The following DPP6 variants were observed in gnomAD, a reference collection of about 807,000 sequenced individuals.
The protein encoded by DPP6 is dipeptidyl peptidase like 6.
In DPP6, 69 loss-of-function variants were observed where a neutral mutation model predicts 122.6. That is an observed-to-expected ratio of 0.56 (90% CI 0.46 to 0.69). The LOEUF (loss-of-function observed/expected upper bound fraction) is 0.69, where lower values mean the gene tolerates loss of function less well. Among genes scored for constraint, DPP6 ranks in the 30% least tolerant of loss-of-function variants. The pLI is 0.00. For missense variants in DPP6, 928 were observed against 1,116.9 expected, an observed-to-expected ratio of 0.83 and a Z score of 2.41; for synonymous variants, 418 against 433.1, an observed-to-expected ratio of 0.97 and a Z score of 0.43.
intron 8 of DPP6, among the ~76,000 whole-genome samples, chr7:154,743,106 A>C (rs1205800928): frequency 2.0e-5 from 3 of 152,210 alleles, no homozygotes; most frequent in African/African-American, 7.2e-5. Context: ...GCTGAAGCTG[A>C]AGTCTTCCAT....
intron 1 of DPP6, among the ~76,000 whole-genome samples, chr7:154,054,632 C>T (rs1170114616): frequency 5.9e-5 from 9 of 152,028 alleles, no homozygotes; most frequent in African/African-American, 2.2e-4. Context: ...GGGAAATAGA[C>T]AGATCCTTCA....
chr7:153,828,585 GA>G, the DPP6 span, among the ~76,000 whole-genome samples: 1 of 152,164 alleles, frequency 6.6e-6, no homozygotes, highest in Non-Finnish European at 1.5e-5. Flanking sequence ...AATTAGGAAA[GA>G]AAGTATATCT....
chr7:154,621,685 A>G (rs1278515573), intron 5 of DPP6, among the ~76,000 whole-genome samples: 1 of 152,246 alleles, frequency 6.6e-6, no homozygotes. Context: ...TTAAGGTTTT[A>G]ATTCTAGGCC....
At chr7:154,587,991 C>G in intron 5 of DPP6, 1 of 1,612,922 alleles carries the variant, frequency 6.2e-7, no homozygotes, top group Non-Finnish European at 8.5e-7. Context: ...CATTGTCATA[C>G]GAGTGTGGCA....
At chr7:154,270,596 G>A (rs1803720281) in intron 1 of DPP6, among the ~76,000 whole-genome samples, 1 of 152,106 alleles carries the variant, frequency 6.6e-6, no homozygotes, top group Non-Finnish European at 1.5e-5. Context: ...AGAAGCACAT[G>A]GGTCTCCTTT....
chr7:154,007,706 G>A (rs547207555), intron 1 of DPP6, among the ~76,000 whole-genome samples: 1 of 152,086 alleles, frequency 6.6e-6, no homozygotes, highest in Non-Finnish European at 1.5e-5. Context: ...ACCAAAGAAT[G>A]TGTCAGAGGG....
At chr7:154,659,928 G>A (rs556078810) in intron 6 of DPP6, among the ~76,000 whole-genome samples, 2 of 152,332 alleles carry the variant, frequency 1.3e-5, no homozygotes, top group South Asian at 2.1e-4. Flanking sequence ...TCTGTAGGAC[G>A]AGGGTAGCTA....
intron 1 of DPP6, among the ~76,000 whole-genome samples, chr7:154,387,521 C>T (rs1206603391): frequency 1.3e-5 from 2 of 152,226 alleles, no homozygotes; most frequent in Non-Finnish European, 2.9e-5. Context: ...AGGCCATGGA[C>T]ATAGCATCTC....
the DPP6 span, among the ~76,000 whole-genome samples, chr7:153,750,842 T>A: frequency 3.3e-5 from 5 of 152,320 alleles, no homozygotes; most frequent in East Asian, 9.6e-4. Flanking sequence ...TAAAGTGAGA[T>A]GATGGTGAAA....
chr7:154,651,363 G>A (rs1213641191), intron 6 of DPP6, among the ~76,000 whole-genome samples: 1 of 151,680 alleles, frequency 6.6e-6, no homozygotes, highest in Non-Finnish European at 1.5e-5. Context: ...GGTTACATAA[G>A]TATAGTTTTA....
intron 5 of DPP6, among the ~76,000 whole-genome samples, chr7:154,631,180 G>T (rs566561418): frequency 6.6e-6 from 1 of 152,318 alleles, no homozygotes; most frequent in South Asian, 2.1e-4. Context: ...CCAAGGCTTA[G>T]ACCAGTGAGG....
chr7:154,456,209 G>T (rs1820815541), intron 2 of DPP6, among the ~76,000 whole-genome samples: 1 of 152,174 alleles, frequency 6.6e-6, no homozygotes, highest in African/African-American at 2.4e-5. Flanking sequence ...CAAATTCTCT[G>T]AACTCTTCAC....
At chr7:154,072,634 A>G (rs1213010098) in intron 1 of DPP6, among the ~76,000 whole-genome samples, 6 of 152,298 alleles carry the variant, frequency 3.9e-5, no homozygotes, top group South Asian at 2.1e-4. Flanking sequence ...CGGGACGTCA[A>G]TAGGCTCTTG....
chr7:154,569,502 A>G (rs1334244033), intron 5 of DPP6, among the ~76,000 whole-genome samples: 1 of 151,958 alleles, frequency 6.6e-6, no homozygotes, highest in Non-Finnish European at 1.5e-5. Flanking sequence ...TCTAATTATA[A>G]TGAAACTAGA....
chr7:154,031,167 A>C (rs1173365603), intron 1 of DPP6, among the ~76,000 whole-genome samples: 1 of 152,030 alleles, frequency 6.6e-6, no homozygotes, highest in Non-Finnish European at 1.5e-5. Context: ...TAACACAATG[A>C]TGATGTGTGT....
chr7:153,860,505 T>G, the DPP6 span, among the ~76,000 whole-genome samples: 1 of 152,164 alleles, frequency 6.6e-6, no homozygotes, highest in Non-Finnish European at 1.5e-5. Context: ...CCAGGCAGCC[T>G]TGCCGTTCGG....
chr7:154,492,373 A>C (rs1309675276), intron 3 of DPP6, among the ~76,000 whole-genome samples: 2 of 152,198 alleles, frequency 1.3e-5, no homozygotes, highest in Non-Finnish European at 2.9e-5. Context: ...ACAGAAAGAA[A>C]ATAGGAGAAA....
At chr7:153,780,753 G>A in the DPP6 span, among the ~76,000 whole-genome samples, 1 of 152,152 alleles carries the variant, frequency 6.6e-6, no homozygotes. Flanking sequence ...TGGATTGGGA[G>A]TTAGTCCAGA....
At chr7:154,771,982 G>A (rs1302901888) in intron 9 of DPP6, among the ~76,000 whole-genome samples, 1 of 152,156 alleles carries the variant, frequency 6.6e-6, no homozygotes, top group African/African-American at 2.4e-5. Context: ...ACCCAGAGAT[G>A]AATGGTTCCC....
Sources: gnomAD v4.1 joint callset for allele counts (sites outside exome capture counted in the v4.1 genomes callset) on GRCh38, gnomAD v4.1.1 for gene constraint, MANE v1.5 for transcripts, NCBI Gene and HGNC (gene_info 2026-07-23, HGNC 2026-07-21) for gene names.